The following EEFSEC variants were observed in gnomAD, a reference collection of about 807,000 sequenced individuals.
EEFSEC encodes the protein selenocysteine-specific elongation factor.
Under a neutral mutation model 42.1 loss-of-function variants are expected in EEFSEC, and 43 were observed. The ratio of observed to expected loss-of-function variants is 1.02; its 90% CI spans 0.80 to 1.32. EEFSEC has a LOEUF of 1.32. Ranked by LOEUF, EEFSEC falls within the 40% of genes most tolerant of loss-of-function variation. The pLI is 0.00. For synonymous variants in EEFSEC, 354 were observed against 339.1 expected (o/e 1.04, Z -0.48); for missense variants, 745 against 803.6 (o/e 0.93, Z 0.88).
chr3:128,171,857 A>G (rs1576516266), intron 1 of EEFSEC, among the ~76,000 whole-genome samples: 1 of 152,150 alleles, frequency 6.6e-6, no homozygotes, highest in South Asian at 2.1e-4. Context: ...TGAAAACAAC[A>G]AAAATAACAA....
intron 4 of EEFSEC, among the ~76,000 whole-genome samples, chr3:128,270,003 C>T (rs1353461565): frequency 6.6e-6 from 1 of 152,178 alleles, no homozygotes; most frequent in Non-Finnish European, 1.5e-5. Context: ...CAGGCATGTA[C>T]CAGCTCTGTG....
At chr3:128,419,656 C>T in the EEFSEC span, among the ~76,000 whole-genome samples, 1 of 152,102 alleles carries the variant, frequency 6.6e-6, no homozygotes, top group Non-Finnish European at 1.5e-5. Flanking sequence ...TGGAGGTGAG[C>T]GAGGGAAAGG....
chr3:128,408,444 G>C lies in EEFSEC; in HGVS notation c.*185G>C, dbSNP rs1289584733. Reference sequence around the variant, plus strand: ...GAGGGGGATGGGTTGCTGGGGCCAGGAGGGTCTCTCCTCCAGCCCCTGCAC... The same window carrying C: ...GAGGGGGATGGGTTGCTGGGGCCAGCAGGGTCTCTCCTCCAGCCCCTGCAC... On this transcript the variant is annotated 3_prime_UTR_variant, in exon 7 of 7. Transcript: ENST00000254730. 2 of 595,668 alleles carry C rather than the reference G, an allele frequency of 3.4e-6. No individual in the cohort carries two copies. The highest frequency in any genetic ancestry group is 5.5e-6 in the Non-Finnish European group (2 of 364,310). The allele number at this position is 595,668 out of a possible 1,614,324, so 36.9% of individuals were successfully genotyped here.
intron 6 of EEFSEC, among the ~76,000 whole-genome samples, chr3:128,407,847 G>A (rs553500000): frequency 2.7e-4 from 41 of 152,290 alleles, no homozygotes; most frequent in African/African-American, 8.4e-4. Context: ...GCCTGAGCAC[G>A]GGGGTGGTGA....
At chr3:128,243,657 G>A (rs2066097135) in intron 1 of EEFSEC, among the ~76,000 whole-genome samples, 1 of 152,210 alleles carries the variant, frequency 6.6e-6, no homozygotes, top group Non-Finnish European at 1.5e-5. Context: ...TCAGGGGCAA[G>A]TGAACCTGGG....
intron 1 of EEFSEC, among the ~76,000 whole-genome samples, chr3:128,186,408 A>G (rs1251203921): frequency 6.6e-6 from 1 of 152,228 alleles, no homozygotes; most frequent in Non-Finnish European, 1.5e-5. Context: ...CCTTTGAAGC[A>G]CAGAAGCTTT....
intron 4 of EEFSEC, among the ~76,000 whole-genome samples, chr3:128,302,850 G>T (rs1418645833): frequency 6.6e-6 from 1 of 152,032 alleles, no homozygotes; most frequent in East Asian, 1.9e-4. Flanking sequence ...TTATTATTGT[G>T]ATCTTACAAA....
intron 1 of EEFSEC, among the ~76,000 whole-genome samples, chr3:128,162,484 C>T (rs1385646649): frequency 6.6e-6 from 1 of 152,210 alleles, no homozygotes; most frequent in Non-Finnish European, 1.5e-5. Flanking sequence ...GTGCCTTTAA[C>T]TCTCTCCAGG....
At chr3:128,203,534 T>C (rs1009224944) in intron 1 of EEFSEC, among the ~76,000 whole-genome samples, 2 of 152,174 alleles carry the variant, frequency 1.3e-5, no homozygotes, top group Non-Finnish European at 2.9e-5. Context: ...ATGTGTTAGG[T>C]GTGAGTCCAC....
intron 1 of EEFSEC, among the ~76,000 whole-genome samples, chr3:128,182,879 G>C (rs2065423745): frequency 1.0e-5 from 1 of 100,298 alleles, no homozygotes; most frequent in Admixed American, 1.1e-4. Flanking sequence ...CACAGAGATC[G>C]GGGCGGGGGG....
chr3:128,282,490 G>A (rs985794458), intron 4 of EEFSEC, among the ~76,000 whole-genome samples: 7 of 152,228 alleles, frequency 4.6e-5, no homozygotes, highest in South Asian at 2.1e-4. Context: ...TTGTTCCAGC[G>A]CAATTGAAAG....
chr3:128,159,064 A>G (rs1011828123), intron 1 of EEFSEC, among the ~76,000 whole-genome samples: 2 of 152,360 alleles, frequency 1.3e-5, no homozygotes, highest in Non-Finnish European at 2.9e-5. Context: ...CCTTGAATAC[A>G]TCAGAGACCC....
downstream of EEFSEC, among the ~76,000 whole-genome samples, chr3:128,411,187 G>A (rs1318930003): frequency 6.6e-6 from 1 of 152,240 alleles, no homozygotes; most frequent in Non-Finnish European, 1.5e-5. Flanking sequence ...TTCTGGCTGA[G>A]GCCAAGGTGT....
At chr3:128,191,669 A>C (rs554118451) in intron 1 of EEFSEC, among the ~76,000 whole-genome samples, 2 of 152,218 alleles carry the variant, frequency 1.3e-5, no homozygotes, top group East Asian at 3.9e-4. Context: ...CTTTTTGTTT[A>C]TAAATTTGAC....
chr3:128,287,928 A>G (rs1191652241), intron 4 of EEFSEC, among the ~76,000 whole-genome samples: 1 of 152,218 alleles, frequency 6.6e-6, no homozygotes, highest in Non-Finnish European at 1.5e-5. Flanking sequence ...ATGATAACAT[A>G]GTATACACAT....
chr3:128,189,774 G>T (rs1336056887), intron 1 of EEFSEC, among the ~76,000 whole-genome samples: 1 of 152,002 alleles, frequency 6.6e-6, no homozygotes, highest in Non-Finnish European at 1.5e-5. Context: ...TGCCCAGGCT[G>T]ATCTCGAACT....
chr3:128,367,654 T>A, intron 6 of EEFSEC: 4 of 985,434 alleles, frequency 4.1e-6, no homozygotes, highest in Non-Finnish European at 4.8e-6. Context: ...GATTATGGAC[T>A]TATGTCCCCT....
intron 1 of EEFSEC, among the ~76,000 whole-genome samples, chr3:128,169,881 AG>A (rs2107774234): frequency 6.6e-6 from 1 of 152,316 alleles, no homozygotes; most frequent in East Asian, 1.9e-4. Flanking sequence ...AGCCTCACAG[AG>A]CACAGGCCCT....
At chr3:128,255,747 G>C (rs1035970888) in intron 2 of EEFSEC, among the ~76,000 whole-genome samples, 5 of 152,182 alleles carry the variant, frequency 3.3e-5, no homozygotes, top group Admixed American at 3.3e-4. Context: ...TGGCAGGGTG[G>C]GGGTGTCAAG....
Sources: gnomAD v4.1 joint callset for allele counts (sites outside exome capture counted in the v4.1 genomes callset) on GRCh38, gnomAD v4.1.1 for gene constraint, MANE v1.5 for transcripts, NCBI Gene and HGNC (gene_info 2026-07-23, HGNC 2026-07-21) for gene names.